USB1: variants seen among roughly 807,000 people sequenced by gnomAD.
USB1 encodes U6 snRNA biogenesis phosphodiesterase 1, also known as U6 snRNA phosphodiesterase 1.
A neutral mutation model predicts 29.9 loss-of-function variants in USB1; 21 were observed. That is an observed-to-expected ratio of 0.70 (90% CI 0.50 to 1.01). The LOEUF is 1.01. Ranked by LOEUF, USB1 falls within the 50% of genes least tolerant of loss-of-function variation. The pLI is 0.00. For missense variants in USB1, 330 were observed against 347.1 expected, an observed-to-expected ratio of 0.95 and a Z score of 0.39; for synonymous variants, 143 against 134.9, an observed-to-expected ratio of 1.06 and a Z score of -0.42.
chr16:58,001,800 G>A (rs1381553423), intron 1 of USB1, among the ~76,000 whole-genome samples: 3 of 151,970 alleles, frequency 2.0e-5, no homozygotes. Flanking sequence ...AAGTTGGGAG[G>A]CCAGACCTGG....
At chr16:58,012,780 T>TG (rs1457038103) in intron 3 of USB1, 22 of 1,008,994 alleles carry the variant, frequency 2.2e-5, no homozygotes, top group Admixed American at 1.1e-4. Flanking sequence ...ACACTGCACT[T>TG]GCGCTAGGAA....
At chr16:58,017,306 C>T in intron 4 of USB1, 28 bp from the exon 5 acceptor site, 5 of 1,600,654 alleles carry the variant, frequency 3.1e-6, no homozygotes, top group Non-Finnish European at 4.3e-6. Context: ...GGCTACATCT[C>T]ATGCCTGCGT....
At chr16:58,004,770 C>A (rs779276231) in intron 2 of USB1, among the ~76,000 whole-genome samples, 1 of 152,154 alleles carries the variant, frequency 6.6e-6, no homozygotes, top group African/African-American at 2.4e-5. Context: ...CCCACTGGGT[C>A]GGTGGGTTTT....
At chr16:58,010,190 T>C (rs1404740097) in intron 3 of USB1, 78 bp downstream of exon 3, 3 of 1,566,742 alleles carry the variant, frequency 1.9e-6, no homozygotes, top group Non-Finnish European at 2.6e-6. Context: ...CTGCGGGCAT[T>C]ACCCCAGCAG....
chr16:58,012,054 C>G (rs1045515191), intron 3 of USB1: 24 of 1,275,130 alleles, frequency 1.9e-5, no homozygotes, highest in Non-Finnish European at 2.4e-5. Context: ...CAGAAATAAA[C>G]AGTCTTCTAG....
intron 2 of USB1, among the ~76,000 whole-genome samples, chr16:58,004,073 C>T (rs1266343246): frequency 6.6e-6 from 1 of 152,164 alleles, no homozygotes; most frequent in Non-Finnish European, 1.5e-5. Context: ...AGGAATCTTA[C>T]AGTTTTGCAT....
chr16:58,019,085 C>T lies in USB1; in HGVS notation c.693+30C>T, dbSNP rs190247181. 2.5e-4 allele frequency: 408 copies of T among 1,607,308 alleles called. 2 individuals carry two copies. In the Admixed American group the frequency reaches 6.3e-3, roughly 25 times the overall value. ...ATTTCCAGGGCGGGAGCACAGAGGG[C>T]GCTGAACTCCAGAAATGACAGGACA... is the stretch of plus-strand genomic sequence containing the variant. On this transcript the variant is annotated intron_variant, in intron 6 of 6. Transcript: ENST00000219281.
intron 1 of USB1, 38 bp from the exon 2 acceptor site, chr16:58,002,441 A>G: frequency 6.2e-7 from 1 of 1,611,982 alleles, no homozygotes; most frequent in South Asian, 1.1e-5. Context: ...GAATGCTAAC[A>G]GGATAAATGT....
Position 58,008,962 on chromosome 16 carries a change from T to C in USB1, c.266-967T>C, listed in dbSNP as rs145726600. On this transcript the variant is annotated intron_variant, in intron 2 of 6. Coordinates refer to ENST00000219281, the MANE Select transcript of USB1 (RefSeq NM_024598.4). ...AGTATTTGGGGATTTTCCAGCTACA[T>C]TTCTGTTACAGACTTTTAGTCTAAT... is the stretch of plus-strand genomic sequence containing the variant. Among the ~76,000 whole-genome samples the C allele has an allele frequency of 1.7e-3, 259 of 152,372 alleles. 2 individuals are homozygous for C. The highest frequency in any genetic ancestry group is 0.012 in the East Asian group (63 of 5,188).
chr16:58,015,630 T>C (rs1369476162), intron 4 of USB1: 1 of 152,044 alleles, frequency 6.6e-6, no homozygotes, highest in East Asian at 1.9e-4. Flanking sequence ...AATAAACAAG[T>C]AATGAGAGTG....
intron 4 of USB1, among the ~76,000 whole-genome samples, chr16:58,014,643 C>T (rs1567422223): frequency 6.6e-6 from 1 of 152,026 alleles, no homozygotes; most frequent in African/African-American, 2.4e-5. Flanking sequence ...ATTAGCTGAG[C>T]ATGGTAGTGT....
intron 1 of USB1, among the ~76,000 whole-genome samples, 164 bp downstream of exon 1, chr16:58,001,745 C>A (rs753469961): frequency 6.6e-6 from 1 of 151,658 alleles, no homozygotes; most frequent in Non-Finnish European, 1.5e-5. Context: ...ACCCCTCCCC[C>A]CCACCCCAGA....
intron 3 of USB1, chr16:58,012,959 C>T: frequency 1.0e-6 from 1 of 985,864 alleles, no homozygotes; most frequent in Non-Finnish European, 1.2e-6. Context: ...GGTTCCCTTG[C>T]TCACTGAGAG....
At chr16:58,017,867 C>T (rs565556014) in intron 5 of USB1, among the ~76,000 whole-genome samples, 34 of 152,240 alleles carry the variant, frequency 2.2e-4, no homozygotes, top group African/African-American at 7.7e-4. Flanking sequence ...CTTTGAAGGG[C>T]CATTCATTTT....
chr16:58,007,280 T>C (rs1304365324), intron 2 of USB1, among the ~76,000 whole-genome samples: 1 of 152,202 alleles, frequency 6.6e-6, no homozygotes, highest in African/African-American at 2.4e-5. Flanking sequence ...TATAGATAAT[T>C]GGTTTAATTT....
intron 6 of USB1, among the ~76,000 whole-genome samples, chr16:58,019,923 G>T (rs1047204554): frequency 6.6e-6 from 1 of 152,192 alleles, no homozygotes; most frequent in East Asian, 1.9e-4. Context: ...GTGATCCAGG[G>T]CTCTGAGCAT....
At chr16:58,019,586 G>A (rs1020400038) in intron 6 of USB1, among the ~76,000 whole-genome samples, 4 of 152,166 alleles carry the variant, frequency 2.6e-5, no homozygotes, top group South Asian at 2.1e-4. Flanking sequence ...AGTGGTAAGC[G>A]GCGGCTGATA....
At chr16:58,009,153 A>G (rs1963430995) in intron 2 of USB1, among the ~76,000 whole-genome samples, 1 of 152,178 alleles carries the variant, frequency 6.6e-6, no homozygotes, top group Admixed American at 6.5e-5. Flanking sequence ...AACTGTGGTA[A>G]ACAGGCCTGT....
At chr16:58,005,294 T>A (rs1449829236) in intron 2 of USB1, among the ~76,000 whole-genome samples, 2 of 151,958 alleles carry the variant, frequency 1.3e-5, no homozygotes, top group African/African-American at 4.8e-5. Flanking sequence ...TTCTCTAAAC[T>A]CCCCTGGGGA....
Sources: gnomAD v4.1 joint callset for allele counts (sites outside exome capture counted in the v4.1 genomes callset) on GRCh38, gnomAD v4.1.1 for gene constraint, MANE v1.5 for transcripts, NCBI Gene and HGNC (gene_info 2026-07-23, HGNC 2026-07-21) for gene names.